FBXO4: variants seen among roughly 807,000 people sequenced by gnomAD.
FBXO4 encodes the protein F-box only protein 4.
A neutral mutation model predicts 43.7 loss-of-function variants in FBXO4; 36 were observed. That is an observed-to-expected ratio of 0.82 (90% confidence interval 0.63 to 1.09). The LOEUF (loss-of-function observed/expected upper bound fraction) is 1.09. Among genes scored for constraint, FBXO4 ranks in the 50% least tolerant of loss-of-function variants. FBXO4 has a pLI of 0.00. For missense variants in FBXO4, 435 were observed against 474.1 expected, an observed-to-expected ratio of 0.92 and a Z score of 0.77; for synonymous variants, 180 against 165.6, an observed-to-expected ratio of 1.09 and a Z score of -0.67.
chr5:41,966,997 C>A, the FBXO4 span: 1 of 247,876 alleles, frequency 4.0e-6, no homozygotes, highest in African/African-American at 2.3e-5. Context: ...TCACACACAC[C>A]CATGAAAGCT....
the FBXO4 span, among the ~76,000 whole-genome samples, chr5:41,985,581 C>T: frequency 5.9e-5 from 9 of 152,008 alleles, no homozygotes; most frequent in African/African-American, 2.2e-4. Flanking sequence ...AGAATATAGG[C>T]TTAGTGTTAG....
intron 3 of FBXO4, among the ~76,000 whole-genome samples, chr5:41,933,547 A>G (rs1751758000): frequency 6.6e-6 from 1 of 152,132 alleles, no homozygotes; most frequent in Admixed American, 6.5e-5. Context: ...AGCTTTTCAG[A>G]GGGGGAGAAA....
At chr5:41,956,159 A>G in the FBXO4 span, among the ~76,000 whole-genome samples, 12,110 of 152,298 alleles carry the variant, frequency 0.08, 693 homozygotes, top group African/African-American at 0.16. Flanking sequence ...ACCAATCCAG[A>G]TGTAATACAG....
At chr5:41,987,301 G>A in the FBXO4 span, among the ~76,000 whole-genome samples, 1 of 152,064 alleles carries the variant, frequency 6.6e-6, no homozygotes, top group African/African-American at 2.4e-5. Context: ...TGACTTCTCA[G>A]TTTCTGGCCC....
the FBXO4 span, among the ~76,000 whole-genome samples, chr5:42,016,548 G>A: frequency 2.0e-5 from 3 of 148,248 alleles, no homozygotes; most frequent in African/African-American, 7.8e-5. Context: ...CCTGTAAACA[G>A]ATTTCTTTTT....
the FBXO4 span, among the ~76,000 whole-genome samples, chr5:41,953,912 A>G: frequency 1.3e-5 from 2 of 152,142 alleles, no homozygotes; most frequent in Non-Finnish European, 2.9e-5. Context: ...TTGTCAGATG[A>G]GTAGGTTGCG....
At chr5:41,968,030 G>C in the FBXO4 span, 1 of 404,310 alleles carries the variant, frequency 2.5e-6, no homozygotes, top group Non-Finnish European at 5.0e-6. Flanking sequence ...ACCTCCTGCC[G>C]CACTTCCTGC....
the FBXO4 span, among the ~76,000 whole-genome samples, chr5:41,997,394 G>A: frequency 6.6e-6 from 1 of 152,176 alleles, no homozygotes; most frequent in African/African-American, 2.4e-5. Flanking sequence ...AATCCCTCCA[G>A]GGATGGGATA....
At chr5:41,995,599 G>T in the FBXO4 span, among the ~76,000 whole-genome samples, 71 of 152,214 alleles carry the variant, frequency 4.7e-4, no homozygotes, top group African/African-American at 1.5e-3. Flanking sequence ...GGGGAAAGAG[G>T]CTGAGTGGTG....
At chr5:42,025,592 G>T in the FBXO4 span, among the ~76,000 whole-genome samples, 7 of 151,728 alleles carry the variant, frequency 4.6e-5, no homozygotes, top group Admixed American at 4.0e-4. Flanking sequence ...GTGCTCATGG[G>T]GTATTAATCA....
chr5:41,942,660 T>C (rs1354080070), downstream of FBXO4, among the ~76,000 whole-genome samples: 1 of 152,120 alleles, frequency 6.6e-6, no homozygotes, highest in Non-Finnish European at 1.5e-5. Context: ...AATCTTTTTT[T>C]CCTCCTCTAT....
the FBXO4 span, among the ~76,000 whole-genome samples, chr5:41,962,156 G>A: frequency 1.3e-5 from 2 of 152,166 alleles, no homozygotes; most frequent in Non-Finnish European, 2.9e-5. Context: ...TTTTGATTAT[G>A]TTTTGATATA....
chr5:42,038,592 A>G, the FBXO4 span, among the ~76,000 whole-genome samples: 1 of 152,230 alleles, frequency 6.6e-6, no homozygotes. Flanking sequence ...CACCTGAAGC[A>G]TTTATCATTT....
the FBXO4 span, among the ~76,000 whole-genome samples, chr5:41,974,836 T>G: frequency 6.6e-6 from 1 of 152,228 alleles, no homozygotes; most frequent in African/African-American, 2.4e-5. Flanking sequence ...TTTGTATTCC[T>G]CATCATTTTT....
chr5:41,988,668 T>A, the FBXO4 span, among the ~76,000 whole-genome samples: 12 of 152,190 alleles, frequency 7.9e-5, no homozygotes, highest in Admixed American at 1.3e-4. Flanking sequence ...GCTCTGTGAT[T>A]CTCTTTATTC....
At chr5:41,979,150 T>C in the FBXO4 span, among the ~76,000 whole-genome samples, 1 of 152,210 alleles carries the variant, frequency 6.6e-6, no homozygotes, top group African/African-American at 2.4e-5. Context: ...GGCCCACTAC[T>C]CTCAAGGTAA....
chr5:41,992,987 A>G, the FBXO4 span, among the ~76,000 whole-genome samples: 1 of 152,232 alleles, frequency 6.6e-6, no homozygotes, highest in African/African-American at 2.4e-5. Context: ...TGAGAAGAGA[A>G]AATTGTGATC....
At chr5:42,017,236 C>A in the FBXO4 span, among the ~76,000 whole-genome samples, 2 of 151,058 alleles carry the variant, frequency 1.3e-5, no homozygotes, top group Non-Finnish European at 3.0e-5. Context: ...AAAACAAATG[C>A]AAGAAAGAAA....
chr5:42,002,688 G>C, the FBXO4 span, among the ~76,000 whole-genome samples: 5,493 of 152,184 alleles, frequency 0.036, 151 homozygotes, highest in Non-Finnish European at 0.055. Flanking sequence ...TATACCATCT[G>C]TCTCTATATC....
Sources: allele counts gnomAD v4.1 joint callset (sites outside exome capture counted in the v4.1 genomes callset), GRCh38; gene constraint gnomAD v4.1.1; transcripts MANE v1.5; gene names NCBI Gene and HGNC (gene_info 2026-07-23, HGNC 2026-07-21).